Variants in PPARGC1B observed in about 807,000 individuals in gnomAD.
The protein encoded by PPARGC1B is peroxisome proliferator-activated receptor gamma coactivator 1-beta.
In PPARGC1B, 34 loss-of-function variants were observed where a neutral mutation model predicts 101.6. The ratio of observed to expected loss-of-function variants is 0.33; its 90% CI spans 0.25 to 0.45. The LOEUF is 0.45. Among genes scored for constraint, PPARGC1B ranks in the 20% least tolerant of loss-of-function variants. The pLI, the probability that PPARGC1B is intolerant of heterozygous loss-of-function variation, is 1.00. For missense variants in PPARGC1B, 1,234 were observed against 1,317.6 expected (o/e 0.94, Z 0.98); for synonymous variants, 548 against 539.3 (o/e 1.02, Z -0.22).
Position 149,832,805 on chromosome 5 carries a change from C to G in PPARGC1B, c.732C>G (p.Ala244=), listed in dbSNP as rs1388538203. ...PPCLQSPRLP[A]KEDKEPGEDC... ...GCCTCCAGAGTCCCCGGCTCCCTGC[C>G]AAGGAGGACAAGGAGCCGGGTGAGG... The change falls in exon 5 of 12, where the codon GCC becomes GCG. Residue 244 remains alanine (A), a synonymous_variant. Coordinates refer to ENST00000309241, the MANE Select transcript of PPARGC1B (RefSeq NM_133263.4). This position sits in a 1 kb window ranked among gnomAD's most constrained non-coding sequence, Gnocchi z 4.9. The G allele has an allele frequency of 8.7e-6, 14 of 1,611,790 alleles. No homozygotes were observed. The highest frequency in any genetic ancestry group is 1.2e-5 in the Non-Finnish European group (14 of 1,178,886).
intron 1 of PPARGC1B, among the ~76,000 whole-genome samples, chr5:149,733,585 T>C (rs1754583135): frequency 6.6e-6 from 1 of 152,252 alleles, no homozygotes; most frequent in Admixed American, 6.5e-5. Context: ...TGCTGAGCTG[T>C]GTTCCTTTGC....
chr5:149,779,596 C>T (rs1202800244), intron 1 of PPARGC1B, among the ~76,000 whole-genome samples: 1 of 152,178 alleles, frequency 6.6e-6, no homozygotes, highest in East Asian at 1.9e-4. Flanking sequence ...AAGCAACATG[C>T]TCTGGGAAGT....
At chr5:149,826,371 A>G (rs1371800884) in intron 2 of PPARGC1B, among the ~76,000 whole-genome samples, 3 of 152,162 alleles carry the variant, frequency 2.0e-5, no homozygotes, top group Admixed American at 1.3e-4. Flanking sequence ...CCCTGTGCCC[A>G]GGTATGTGAT....
intron 1 of PPARGC1B, among the ~76,000 whole-genome samples, chr5:149,782,313 T>A (rs975004232): frequency 1.1e-4 from 17 of 152,166 alleles, no homozygotes; most frequent in Admixed American, 4.6e-4. Context: ...CTCTTAAAAA[T>A]TTTTTTTCTT....
intron 4 of PPARGC1B, among the ~76,000 whole-genome samples, chr5:149,831,121 C>G (rs1474700095): frequency 6.6e-6 from 1 of 152,220 alleles, no homozygotes; most frequent in Non-Finnish European, 1.5e-5. Context: ...GATGTTAATG[C>G]AGCTTAGAGC....
downstream of PPARGC1B, among the ~76,000 whole-genome samples, chr5:149,857,577 ACAT>A (rs1400276100): frequency 6.6e-6 from 1 of 152,226 alleles, no homozygotes; most frequent in Non-Finnish European, 1.5e-5. Context: ...GCAGGGCAGA[ACAT>A]CTAGTTTGGG....
In PPARGC1B at chr5:149,730,325, T is replaced by C. The variant is rs370517304; in HGVS notation, c.-18T>C. The C allele has an allele frequency of 2.8e-5, 43 of 1,546,722 alleles. No individual in the cohort carries two copies. In the African/African-American group the frequency reaches 5.7e-4, roughly 20 times the overall value. ...GCTCGGCGTTGACTCCGCCGCACGC[T>C]GCAGCCGCGGCTGGAAGATGGCGGG... is the stretch of plus-strand genomic sequence containing the variant. On this transcript the variant is annotated 5_prime_UTR_variant, in exon 1 of 12. Coordinates refer to ENST00000309241, the MANE Select transcript of PPARGC1B (RefSeq NM_133263.4). The surrounding 1 kb of genome is among the most constrained non-coding windows in gnomAD (Gnocchi z 4.0).
intron 1 of PPARGC1B, among the ~76,000 whole-genome samples, chr5:149,748,458 A>G (rs1350614317): frequency 6.6e-6 from 1 of 152,098 alleles, no homozygotes; most frequent in African/African-American, 2.4e-5. Flanking sequence ...TGGTTTGGTG[A>G]CAGTTTAGTG....
chr5:149,803,270 T>G (rs1358928404), intron 1 of PPARGC1B, among the ~76,000 whole-genome samples: 1 of 152,148 alleles, frequency 6.6e-6, no homozygotes, highest in African/African-American at 2.4e-5. Context: ...GACTCAGAGG[T>G]CTTGAGATTC....
At chr5:149,818,651 G>T (rs1390176687) in intron 1 of PPARGC1B, among the ~76,000 whole-genome samples, 1 of 152,158 alleles carries the variant, frequency 6.6e-6, no homozygotes, top group African/African-American at 2.4e-5. Context: ...GAAAGGTCTG[G>T]GGAAAACCTG....
chr5:149,768,481 T>A (rs1484937658), intron 1 of PPARGC1B, among the ~76,000 whole-genome samples: 9 of 142,048 alleles, frequency 6.3e-5, no homozygotes, highest in Non-Finnish European at 3.0e-5. Context: ...TCTTGCTCTG[T>A]CGCCCACACT....
intron 5 of PPARGC1B, 53 bp from the exon 6 acceptor site, chr5:149,834,621 T>C: frequency 1.3e-6 from 2 of 1,560,222 alleles, no homozygotes; most frequent in South Asian, 1.1e-5. Flanking sequence ...AGGGGAAACA[T>C]CTGCTAGTGA....
chr5:149,744,001 A>G (rs1473540309), intron 1 of PPARGC1B, among the ~76,000 whole-genome samples: 2 of 152,134 alleles, frequency 1.3e-5, no homozygotes, highest in East Asian at 3.9e-4. Flanking sequence ...CCAGCACTTT[A>G]CACTAGGCCT....
chr5:149,744,891 A>C (rs1755031982), intron 1 of PPARGC1B, among the ~76,000 whole-genome samples: 1 of 149,496 alleles, frequency 6.7e-6, no homozygotes, highest in Non-Finnish European at 1.5e-5. Context: ...AGTCTGGTTC[A>C]AATTTTAGCT....
At position 149,835,647 on chromosome 5, in the gene PPARGC1B, C is replaced by T. The variant is rs1759026953; in HGVS notation, c.1807+282C>T. Among the ~76,000 whole-genome samples, 5 of 152,230 alleles carry T rather than the reference C, an allele frequency of 3.3e-5. No homozygotes were observed. The South Asian group carries it at 1.0e-3, about 32-fold the overall frequency. On this transcript the variant is annotated intron_variant, in intron 7 of 11. Coordinates refer to ENST00000309241, the MANE Select transcript of PPARGC1B (RefSeq NM_133263.4). ...GCAGTTTTATCTGCGGTGCCTGCCC[C>T]CTCTCCGTCATGGGAAACACCAGAG... is the stretch of plus-strand genomic sequence containing the variant.
At chr5:149,820,412 C>T in intron 1 of PPARGC1B, 21 bp from the exon 2 acceptor site, 1 of 1,610,924 alleles carries the variant, frequency 6.2e-7, no homozygotes, top group Non-Finnish European at 8.5e-7. Flanking sequence ...TGATCCACCT[C>T]TTTCCTTCCT....
intron 1 of PPARGC1B, among the ~76,000 whole-genome samples, chr5:149,786,023 A>G (rs1293354275): frequency 6.7e-6 from 1 of 148,962 alleles, no homozygotes; most frequent in African/African-American, 2.5e-5. Flanking sequence ...GGCTCAAGGG[A>G]TATTCCTGCC....
chr5:149,810,318 C>T (rs1757804825), intron 1 of PPARGC1B, among the ~76,000 whole-genome samples: 1 of 152,202 alleles, frequency 6.6e-6, no homozygotes, highest in Admixed American at 6.5e-5. Flanking sequence ...CAAAATGAAA[C>T]ACTGCCTTCC....
intron 1 of PPARGC1B, among the ~76,000 whole-genome samples, chr5:149,806,703 G>A (rs1302339648): frequency 6.6e-6 from 1 of 151,820 alleles, no homozygotes; most frequent in Non-Finnish European, 1.5e-5. Context: ...CGCCTCCTGG[G>A]TTCCAGCGAT....
Sources: gnomAD v4.1 joint callset for allele counts (sites outside exome capture counted in the v4.1 genomes callset) on GRCh38, gnomAD v4.1.1 for gene constraint, Gnocchi (gnomAD v3.1) non-coding constraint, MANE v1.5 for transcripts, NCBI Gene and HGNC (gene_info 2026-07-23, HGNC 2026-07-21) for gene names.